Variants in ERBB4 observed in about 807,000 individuals in gnomAD.
ERBB4 encodes the protein erb-b2 receptor tyrosine kinase 4.
ERBB4 carries 42 observed loss-of-function variants against 158.0 expected under a neutral mutation model. The ratio of observed to expected loss-of-function variants is 0.27; its 90% confidence interval spans 0.21 to 0.34. The LOEUF (loss-of-function observed/expected upper bound fraction) is 0.34, where lower values mean the gene tolerates loss of function less well. Among genes scored for constraint, ERBB4 ranks in the 10% least tolerant of loss-of-function variants. ERBB4 has a pLI of 1.00. For synonymous variants in ERBB4, 583 were observed against 558.7 expected (o/e 1.04, Z -0.61); for missense variants, 1,333 against 1,624.1 (o/e 0.82, Z 3.08).
At chr2:211,811,157 G>C (rs1281314858) in intron 3 of ERBB4, among the ~76,000 whole-genome samples, 1 of 152,148 alleles carries the variant, frequency 6.6e-6, no homozygotes, top group Non-Finnish European at 1.5e-5. Context: ...CGTACTGGTT[G>C]TTCCTTTCCA....
At chr2:212,510,205 G>GTA (rs10556403) in intron 1 of ERBB4, among the ~76,000 whole-genome samples, 19,896 of 130,134 alleles carry the variant, frequency 0.15, 1,594 homozygotes, top group Non-Finnish European at 0.19. Context: ...TAACCACACA[G>GTA]TATATATATA....
chr2:211,934,852 T>C (rs907862920), intron 3 of ERBB4, among the ~76,000 whole-genome samples: 7 of 149,224 alleles, frequency 4.7e-5, no homozygotes, highest in Non-Finnish European at 8.9e-5. Flanking sequence ...AATCGAATTA[T>C]ACAATCTGTA....
chr2:211,688,707 T>C (rs1422607188), intron 12 of ERBB4, among the ~76,000 whole-genome samples: 1 of 152,184 alleles, frequency 6.6e-6, no homozygotes, highest in African/African-American at 2.4e-5. Context: ...ATAAAATTTC[T>C]CCCAAATGAT....
chr2:212,330,109 G>A (rs1173392745), intron 1 of ERBB4, among the ~76,000 whole-genome samples: 2 of 152,036 alleles, frequency 1.3e-5, no homozygotes, highest in Non-Finnish European at 2.9e-5. Flanking sequence ...AAAAGAGGGA[G>A]TTTAAGCTTT....
rs559398467 is a variant in ERBB4, at chr2:211,693,383, A to T, written c.1489+8584T>A. On this transcript the variant is annotated intron_variant, in intron 12 of 27. Coordinates refer to ENST00000342788, the MANE Select transcript of ERBB4 (RefSeq NM_005235.3). ...TTTTATTGAATATGTTATTGTTAGT[A>T]AATGCAAAAAAACCCCACTATTTAT... 1.1e-4 allele frequency among the ~76,000 whole-genome samples: 16 copies of T among 152,278 alleles called. No homozygotes were observed. In the South Asian group the frequency reaches 3.3e-3, roughly 32 times the overall value.
chr2:211,531,397 A>T (rs1218637805), intron 20 of ERBB4, among the ~76,000 whole-genome samples: 2 of 152,112 alleles, frequency 1.3e-5, no homozygotes, highest in Non-Finnish European at 2.9e-5. Context: ...AATGGGAGAA[A>T]ATATTTGCAA....
chr2:211,511,893 A>G lies in ERBB4; in HGVS notation c.2487+50010T>C, dbSNP rs75573000. Among the ~76,000 whole-genome samples the G allele has an allele frequency of 6.3e-3, 964 of 152,240 alleles. 16 individuals are homozygous for G. Among genetic ancestry groups the G allele is most frequent in the African/African-American group, 0.022 (930 of 41,564 alleles). On this transcript the variant is annotated intron_variant, in intron 20 of 27. Coordinates refer to ENST00000342788, the MANE Select transcript of ERBB4 (RefSeq NM_005235.3). ...TAATCCTTTAAAATGGTGTCATTTGAAAAGCAGAACACAAGACTTACATGG... is the reference window on the plus strand; with the variant it reads ...TAATCCTTTAAAATGGTGTCATTTGGAAAGCAGAACACAAGACTTACATGG...
In ERBB4 at chr2:211,630,238, T is replaced by C. The variant is rs150447590; in HGVS notation, c.2079+224A>G. Among the ~76,000 whole-genome samples the C allele has an allele frequency of 3.9e-3, 596 of 152,252 alleles. 8 individuals are homozygous for C. The highest frequency in any genetic ancestry group is 0.013 in the African/African-American group (560 of 41,560). ...AACAAAATACAGATACTTTCCCCAA[T>C]ACAATAATTTTCTTGACCACTCCCA... On this transcript the variant is annotated intron_variant, in intron 17 of 27. Transcript: ENST00000342788.
At position 211,889,258 on chromosome 2, in the gene ERBB4, C is replaced by A. The variant is rs577484090; in HGVS notation, c.421+58172G>T. On this transcript the variant is annotated intron_variant, in intron 3 of 27. Coordinates refer to ENST00000342788, the MANE Select transcript of ERBB4 (RefSeq NM_005235.3). Reference sequence around the variant, plus strand: ...CCCTGACCCCTGACCCCCGAGCAGCCTAACTGGGAGGCACCCCCCAGCCGG... The same window carrying A: ...CCCTGACCCCTGACCCCCGAGCAGCATAACTGGGAGGCACCCCCCAGCCGG... Among the ~76,000 whole-genome samples, 5 of 144,708 alleles carry A rather than the reference C, an allele frequency of 3.5e-5. 1 individual carries two copies. Among genetic ancestry groups the A allele is most frequent in the African/African-American group, 8.2e-5 (3 of 36,512 alleles). The allele number at this position is 144,708 out of a possible 152,430, so 94.9% of individuals were successfully genotyped here. A position where few individuals can be genotyped will look rare whatever the true frequency, so the allele number is the denominator to read the frequency against.
In ERBB4 at chr2:211,746,649, C is replaced by T. The variant is rs142364416; in HGVS notation, c.622+3990G>A. On this transcript the variant is annotated intron_variant, in intron 5 of 27. Coordinates refer to ENST00000342788, the MANE Select transcript of ERBB4 (RefSeq NM_005235.3). ...TTCAAGACCAGCCTGACCAACATGG[C>T]GAAACCCCGTCTCTACTAAAAGTAC... 8.3e-3 allele frequency among the ~76,000 whole-genome samples: 1,263 copies of T among 151,802 alleles called. 34 individuals are homozygous for T. Among genetic ancestry groups the T allele is most frequent in the Admixed American group, 0.054 (827 of 15,240 alleles).
intron 2 of ERBB4, among the ~76,000 whole-genome samples, chr2:211,989,814 A>G (rs577222053): frequency 1.6e-3 from 236 of 152,118 alleles, no homozygotes; most frequent in African/African-American, 5.6e-3. Flanking sequence ...AGAACACAGC[A>G]TTCACTTTCC....
Position 211,376,603 on chromosome 2 carries a change from A to G in ERBB4, c.*7012T>C, listed in dbSNP as rs2062477476. On this transcript the variant is annotated 3_prime_UTR_variant, in exon 28 of 28. Transcript: ENST00000342788. The stretch of plus-strand genomic sequence containing the variant: ...AAGTTAAGAAAATAAGGAAGTGAGT[A>G]CAAATGTATACACCTTAAGCCTCTG... The G allele has an allele frequency of 4.3e-6, 1 of 232,920 alleles. No individual in the cohort carries two copies. The highest frequency in any genetic ancestry group is 8.5e-6 in the Non-Finnish European group (1 of 117,528). The allele number at this position is 232,920 out of a possible 1,614,324, so 14.4% of individuals were successfully genotyped here.
intron 19 of ERBB4, among the ~76,000 whole-genome samples, chr2:211,578,996 C>T (rs1559314584): frequency 6.6e-6 from 1 of 152,042 alleles, no homozygotes; most frequent in African/African-American, 2.4e-5. Context: ...AAAGAAACTA[C>T]CTTCAAAGCA....
At chr2:211,477,736 T>C (rs888012845) in intron 20 of ERBB4, among the ~76,000 whole-genome samples, 15 of 152,154 alleles carry the variant, frequency 9.9e-5, no homozygotes, top group Admixed American at 9.8e-4. Flanking sequence ...TATCAGTGAG[T>C]AATTCTCTTG....
At chr2:212,166,699 A>G (rs2081356519) in intron 1 of ERBB4, among the ~76,000 whole-genome samples, 1 of 152,176 alleles carries the variant, frequency 6.6e-6, no homozygotes, top group Admixed American at 6.6e-5. Flanking sequence ...ACTATGCTAC[A>G]AGGCTACAGT....
At chr2:211,865,984 A>G (rs1474374404) in intron 3 of ERBB4, among the ~76,000 whole-genome samples, 1 of 152,226 alleles carries the variant, frequency 6.6e-6, no homozygotes, top group Non-Finnish European at 1.5e-5. Context: ...TTATACTGTG[A>G]CCGATAAAAA....
intron 3 of ERBB4, among the ~76,000 whole-genome samples, chr2:211,888,191 T>C (rs551943778): frequency 6.6e-6 from 1 of 152,356 alleles, no homozygotes; most frequent in Admixed American, 6.5e-5. Context: ...GAAAACACTT[T>C]TCTTTGGGCT....
chr2:212,485,221 T>C (rs1477205224), intron 1 of ERBB4, among the ~76,000 whole-genome samples: 3 of 152,126 alleles, frequency 2.0e-5, no homozygotes, highest in Non-Finnish European at 4.4e-5. Flanking sequence ...TTTCTTCAAT[T>C]CTATTAGCTC....
chr2:211,626,691 G>A (rs982993852), intron 17 of ERBB4, among the ~76,000 whole-genome samples: 11 of 152,116 alleles, frequency 7.2e-5, no homozygotes, highest in Admixed American at 2.0e-4. Flanking sequence ...TTGGGAGGCC[G>A]AGGCAGGCGG....
Sources: allele counts gnomAD v4.1 joint callset (sites outside exome capture counted in the v4.1 genomes callset), GRCh38; gene constraint gnomAD v4.1.1; transcripts MANE v1.5; gene names NCBI Gene and HGNC (gene_info 2026-07-23, HGNC 2026-07-21).